NAALADL2: variants seen among roughly 807,000 people sequenced by gnomAD.
The protein encoded by NAALADL2 is N-acetylated alpha-linked acidic dipeptidase like 2, also known as inactive N-acetylated-alpha-linked acidic dipeptidase-like protein 2.
NAALADL2 carries 76 observed loss-of-function variants against 87.2 expected under a neutral mutation model. The ratio of observed to expected loss-of-function variants is 0.87; its 90% CI spans 0.72 to 1.05. The LOEUF (loss-of-function observed/expected upper bound fraction) is 1.05. Among genes scored for constraint, NAALADL2 ranks in the 50% least tolerant of loss-of-function variants. NAALADL2 has a pLI of 0.00. For missense variants in NAALADL2, 1,089 were observed against 945.8 expected (o/e 1.15, Z -1.99); for synonymous variants, 354 against 331.0 (o/e 1.07, Z -0.75).
In NAALADL2 at chr3:175,576,181, A is replaced by T. The variant is rs771371249; in HGVS notation, c.1794A>T (p.Thr598=). The part of the protein sequence containing the change: ...IVQFAYEDIK[T]LEGPSFLSEA... The stretch of plus-strand genomic sequence containing the variant: ...AGTTTGCTTACGAGGACATCAAAAC[A>T]TTAGAGGTGATTGTTCCTAAAAAAT... Residue 598 remains threonine, a synonymous_variant, in exon 10 of 14, where the codon ACA becomes ACT. Transcript: ENST00000454872. 2 of 1,611,666 alleles carry T rather than the reference A, an allele frequency of 1.2e-6. No homozygotes were observed. The highest frequency in any genetic ancestry group is 1.7e-5 in the Admixed American group (1 of 59,448).
chr3:175,752,062 TATA>T (rs1186914005), intron 12 of NAALADL2, among the ~76,000 whole-genome samples: 1 of 152,100 alleles, frequency 6.6e-6, no homozygotes. Context: ...CATTGTTTAA[TATA>T]ATAATACATT....
chr3:175,100,346 G>T (rs1214239342), intron 2 of NAALADL2, among the ~76,000 whole-genome samples: 1 of 152,152 alleles, frequency 6.6e-6, no homozygotes, highest in Non-Finnish European at 1.5e-5. Flanking sequence ...TGAAAAAGCT[G>T]CTGATGTGCT....
chr3:175,776,805 G>C (rs982900035), intron 13 of NAALADL2, among the ~76,000 whole-genome samples: 8 of 152,134 alleles, frequency 5.3e-5, no homozygotes, highest in African/African-American at 1.7e-4. Flanking sequence ...AGTTTATGAG[G>C]CACATATCTG....
chr3:175,788,088 GTTTTT>G (rs1004422588), intron 13 of NAALADL2, among the ~76,000 whole-genome samples: 1,441 of 104,236 alleles, frequency 0.014, 30 homozygotes, highest in African/African-American at 0.05. Context: ...TTTTTTACCT[GTTTTT>G]TTTTTTTTTT....
At chr3:174,545,650 G>T (rs1185392926) in intron 1 of NAALADL2, among the ~76,000 whole-genome samples, 2 of 151,720 alleles carry the variant, frequency 1.3e-5, no homozygotes, top group Non-Finnish European at 2.9e-5. Flanking sequence ...TTTCAGCTTG[G>T]TATTTTTTTT....
chr3:175,681,975 G>T (rs1370239217), intron 11 of NAALADL2, among the ~76,000 whole-genome samples: 1 of 152,054 alleles, frequency 6.6e-6, no homozygotes, highest in Non-Finnish European at 1.5e-5. Flanking sequence ...CAAATTATTT[G>T]TTGGTTATAG....
intron 5 of NAALADL2, among the ~76,000 whole-genome samples, chr3:175,342,692 G>A (rs1762692105): frequency 6.6e-6 from 1 of 152,016 alleles, no homozygotes. Context: ...CTAAAAAATA[G>A]CAATAAATCA....
chr3:174,567,211 T>A (rs1714389674), intron 2 of NAALADL2, among the ~76,000 whole-genome samples: 1 of 151,684 alleles, frequency 6.6e-6, no homozygotes, highest in East Asian at 1.9e-4. Context: ...ATTAAAATTT[T>A]TATTATGTTT....
intron 11 of NAALADL2, among the ~76,000 whole-genome samples, chr3:175,671,809 AAT>A (rs1734043664): frequency 6.6e-6 from 1 of 152,060 alleles, no homozygotes; most frequent in Non-Finnish European, 1.5e-5. Context: ...TAATGGAAAT[AAT>A]GTTACTATTT....
chr3:174,791,004 T>C (rs1250203160), intron 3 of NAALADL2, among the ~76,000 whole-genome samples: 1 of 152,158 alleles, frequency 6.6e-6, no homozygotes, highest in Non-Finnish European at 1.5e-5. Flanking sequence ...AAGTAGTTAC[T>C]ACAGGAAAGA....
chr3:174,867,074 T>C (rs1229117218), intron 1 of NAALADL2, among the ~76,000 whole-genome samples: 8 of 151,896 alleles, frequency 5.3e-5, no homozygotes, highest in Admixed American at 2.6e-4. Context: ...ATGTAGGTAA[T>C]AGAATGTTCT....
intron 1 of NAALADL2, among the ~76,000 whole-genome samples, chr3:174,443,595 C>T (rs767895495): frequency 6.6e-6 from 1 of 152,148 alleles, no homozygotes; most frequent in Non-Finnish European, 1.5e-5. Context: ...ATTTAGGACT[C>T]TTCATCATAT....
chr3:174,501,736 G>T (rs1268429389), intron 1 of NAALADL2, among the ~76,000 whole-genome samples: 3 of 151,910 alleles, frequency 2.0e-5, no homozygotes, highest in Non-Finnish European at 2.9e-5. Context: ...AGCATTTGGA[G>T]TGATGCCTTA....
At chr3:175,531,392 C>T (rs962236380) in intron 9 of NAALADL2, among the ~76,000 whole-genome samples, 1 of 152,130 alleles carries the variant, frequency 6.6e-6, no homozygotes, top group Non-Finnish European at 1.5e-5. Context: ...GTACAAGTTC[C>T]CTGAATTTTA....
At chr3:174,634,920 A>G (rs1722480742) in intron 2 of NAALADL2, among the ~76,000 whole-genome samples, 1 of 152,132 alleles carries the variant, frequency 6.6e-6, no homozygotes, top group Non-Finnish European at 1.5e-5. Context: ...TTCTGTATTT[A>G]TTGAGATTTT....
intron 1 of NAALADL2, among the ~76,000 whole-genome samples, chr3:174,860,816 G>A (rs1288686350): frequency 1.3e-5 from 2 of 151,940 alleles, no homozygotes; most frequent in African/African-American, 4.8e-5. Context: ...ACATTTTGTT[G>A]TTGTTTCTTT....
intron 5 of NAALADL2, among the ~76,000 whole-genome samples, chr3:175,394,613 C>A (rs576066172): frequency 5.9e-5 from 9 of 152,214 alleles, no homozygotes; most frequent in African/African-American, 1.9e-4. Flanking sequence ...TGTAAACTGA[C>A]AGTTGTGTTT....
chr3:175,620,297 T>C (rs78833495), intron 10 of NAALADL2, among the ~76,000 whole-genome samples: 2,631 of 152,188 alleles, frequency 0.017, 80 homozygotes, highest in African/African-American at 0.06. Context: ...TCGCTGGGAT[T>C]CCGCCCCTGC....
At chr3:174,470,696 G>T (rs1471281572) in intron 1 of NAALADL2, among the ~76,000 whole-genome samples, 1 of 152,062 alleles carries the variant, frequency 6.6e-6, no homozygotes, top group Non-Finnish European at 1.5e-5. Context: ...TCTGCAGCCA[G>T]TTTTCCCATC....
Sources: allele counts gnomAD v4.1 joint callset (sites outside exome capture counted in the v4.1 genomes callset), GRCh38; gene constraint gnomAD v4.1.1; transcripts MANE v1.5; gene names NCBI Gene and HGNC (gene_info 2026-07-23, HGNC 2026-07-21).